The following RGPD4 variants were observed in gnomAD, a reference collection of about 807,000 sequenced individuals.
RGPD4 encodes the protein RANBP2 like and GRIP domain containing 4.
A neutral mutation model predicts 141.1 loss-of-function variants in RGPD4; 84 were observed. The ratio of observed to expected loss-of-function variants is 0.60; its 90% CI spans 0.50 to 0.71. The LOEUF (loss-of-function observed/expected upper bound fraction) is 0.71, where lower values mean the gene tolerates loss of function less well. Ranked by LOEUF, RGPD4 falls within the 30% of genes least tolerant of loss-of-function variation. The pLI, the probability that RGPD4 is intolerant of heterozygous loss-of-function variation, is 0.00. For synonymous variants in RGPD4, 298 were observed against 566.8 expected, an observed-to-expected ratio of 0.53 and a Z score of 6.74; for missense variants, 918 against 1,622.4, an observed-to-expected ratio of 0.57 and a Z score of 7.46.
rs764057370 is a variant in RGPD4, at chr2:107,872,715, G to A, written c.4711G>A (p.Gly1571Arg). ...GNSSATGSLF[G>R]FSFNASLKSN... The stretch of plus-strand genomic sequence containing the variant: ...CAGTTCTGCCACTGGGTCTTTGTTT[G>A]GATTTAGTTTTAATGCATCTTTGAA... Residue 1571 changes from glycine (G) to arginine (R), a missense_variant, in exon 20 of 23, where the codon GGA (glycine) becomes AGA (arginine). Coordinates refer to ENST00000408999, the MANE Select transcript of RGPD4 (RefSeq NM_182588.3). 8.1e-6 allele frequency: 13 copies of A among 1,611,406 alleles called. No individual in the cohort carries two copies. The highest frequency in any genetic ancestry group is 1.0e-5 in the Non-Finnish European group (12 of 1,179,834).
chr2:107,830,055 C>T (rs1558787190), intron 1 of RGPD4, among the ~76,000 whole-genome samples: 3 of 151,990 alleles, frequency 2.0e-5, no homozygotes, highest in Admixed American at 6.5e-5. Flanking sequence ...GGAAAGTCCC[C>T]TTGTTTTGAG....
chr2:107,883,814 A>AT (rs1246689743), intron 22 of RGPD4, among the ~76,000 whole-genome samples: 1 of 151,956 alleles, frequency 6.6e-6, no homozygotes, highest in Non-Finnish European at 1.5e-5. Flanking sequence ...AATTACTTTT[A>AT]TTTTTGACAT....
At chr2:107,857,710 A>G (rs1275955599) in intron 9 of RGPD4, among the ~76,000 whole-genome samples, 3 of 151,820 alleles carry the variant, frequency 2.0e-5, no homozygotes, top group Non-Finnish European at 4.4e-5. Context: ...GTTGGGATTA[A>G]GCCTGACACA....
Position 107,870,807 on chromosome 2 carries a change from A to T in RGPD4, c.2803A>T (p.Lys935Ter), listed in dbSNP as rs1044995849. Residue 935 changes from lysine (K) to a stop codon, truncating the protein, a stop_gained, in exon 20 of 23, where the codon AAG becomes TAG. Transcript: ENST00000408999. LOFTEE classifies it high-confidence loss of function. ...FGISEPGNQE[K>*]ESEKPLENDT... Reference sequence around the variant, plus strand: ...CATTTCGGAACCAGGAAATCAAGAAAAGGAAAGTGAAAAGCCTCTTGAAAA... The same window carrying T: ...CATTTCGGAACCAGGAAATCAAGAATAGGAAAGTGAAAAGCCTCTTGAAAA... 5 of 1,605,930 alleles carry T rather than the reference A, an allele frequency of 3.1e-6. No individual in the cohort carries two copies. In the African/African-American group the frequency reaches 5.4e-5, roughly 17 times the overall value.
At chr2:107,847,015 G>C (rs1681976573) in intron 6 of RGPD4, among the ~76,000 whole-genome samples, 1 of 151,650 alleles carries the variant, frequency 6.6e-6, no homozygotes, top group Non-Finnish European at 1.5e-5. Context: ...GCCAAGGCGG[G>C]TGGATCACGA....
intron 22 of RGPD4, among the ~76,000 whole-genome samples, chr2:107,885,711 A>C (rs1675492057): frequency 1.3e-5 from 2 of 152,276 alleles, no homozygotes; most frequent in East Asian, 1.9e-4. Context: ...AATTAAAAAC[A>C]ATGATGGTTT....
At position 107,890,848 on chromosome 2, in the gene RGPD4, A is replaced by G. The variant is rs927104919; in HGVS notation, c.*117A>G. ...TAAAATCTATTTACAAAAATGGTTC[A>G]TGTGTATTACCATCATTCTTTTGTC... On this transcript the variant is annotated 3_prime_UTR_variant, in exon 23 of 23. Transcript: ENST00000408999. 11 of 1,321,620 alleles carry G rather than the reference A, an allele frequency of 8.3e-6. No individual in the cohort carries two copies. In the African/African-American group the frequency reaches 1.0e-4, roughly 12 times the overall value. The allele number at this position is 1,321,620 out of a possible 1,614,324, so 81.9% of individuals were successfully genotyped here.
chr2:107,846,470 T>C (rs1681950622), intron 6 of RGPD4, among the ~76,000 whole-genome samples: 3 of 151,730 alleles, frequency 2.0e-5, no homozygotes, highest in Admixed American at 2.0e-4. Context: ...TTAATAATTA[T>C]AGCTTTTTTT....
At chr2:107,884,290 C>T (rs201494986) in intron 22 of RGPD4, among the ~76,000 whole-genome samples, 416 of 151,932 alleles carry the variant, frequency 2.7e-3, no homozygotes, top group African/African-American at 7.9e-3. Flanking sequence ...TTAGTAGAGA[C>T]GAGGTTTCAC....
chr2:107,878,629 A>G (rs2104512278), intron 20 of RGPD4, among the ~76,000 whole-genome samples: 1 of 134,888 alleles, frequency 7.4e-6, no homozygotes, highest in East Asian at 2.1e-4. Flanking sequence ...AGGGTTCTCT[A>G]GAGGGACAGA....
At chr2:107,886,002 G>A (rs970697591) in intron 22 of RGPD4, among the ~76,000 whole-genome samples, 26 of 150,662 alleles carry the variant, frequency 1.7e-4, no homozygotes, top group Non-Finnish European at 2.4e-4. Context: ...GCAGTGAGCC[G>A]AGATGGTGCC....
rs1243330826 is a variant in RGPD4 at position 107,872,847 on chromosome 2, G to C, written c.4843G>C (p.Asp1615His). ...SKNSDIEQSS[D>H]SKVKNLSASF... ...GAACTCTGATATCGAACAGTCTTCA[G>C]ATAGCAAAGTCAAAAATCTCTCTGC... Residue 1615 changes from aspartate (D) to histidine (H), a missense_variant, in exon 20 of 23, where the codon GAT (aspartate) becomes CAT (histidine). Coordinates refer to ENST00000408999, the MANE Select transcript of RGPD4 (RefSeq NM_182588.3). The C allele has an allele frequency of 2.5e-6, 4 of 1,603,422 alleles. No individual in the cohort carries two copies. Among genetic ancestry groups the C allele is most frequent in the African/African-American group, 2.8e-5 (2 of 71,838 alleles).
chr2:107,877,840 A>C (rs4012341), intron 20 of RGPD4, among the ~76,000 whole-genome samples: 7 of 151,618 alleles, frequency 4.6e-5, no homozygotes, highest in South Asian at 2.1e-4. Context: ...TTTGAGCTGG[A>C]ATCTCGCTCT....
At chr2:107,846,046 C>T (rs1226524763) in intron 6 of RGPD4, among the ~76,000 whole-genome samples, 2 of 113,410 alleles carry the variant, frequency 1.8e-5, no homozygotes, top group Non-Finnish European at 3.6e-5. Flanking sequence ...CCTGCCTCAG[C>T]CTCCCGAGTA....
At position 107,872,118 on chromosome 2, in the gene RGPD4, G is replaced by T; in HGVS notation, c.4114G>T (p.Gly1372Cys). The change falls in exon 20 of 23, where the codon GGT becomes TGT. Residue 1372 changes from glycine (G) to cysteine (C), a missense_variant. Transcript: ENST00000408999. ...AELYRYDKDV[G>C]QWKERGIGDI... ...ACTCTACAGATATGATAAAGATGTTGGTCAATGGAAAGAAAGGGGCATTGG... is the reference window on the plus strand; with the variant it reads ...ACTCTACAGATATGATAAAGATGTTTGTCAATGGAAAGAAAGGGGCATTGG... 6.2e-7 allele frequency: 1 copy of T among 1,611,332 alleles called. No homozygotes were observed. The highest frequency in any genetic ancestry group is 8.5e-7 in the Non-Finnish European group (1 of 1,179,848).
At chr2:107,867,173 C>T (rs1249394193) in intron 18 of RGPD4, among the ~76,000 whole-genome samples, 2 of 148,498 alleles carry the variant, frequency 1.3e-5, no homozygotes, top group Admixed American at 6.7e-5. Flanking sequence ...CTCCAAAGCA[C>T]TTGCCAGTAT....
chr2:107,846,837 T>C (rs943064697), intron 6 of RGPD4, among the ~76,000 whole-genome samples: 1 of 151,372 alleles, frequency 6.6e-6, no homozygotes, highest in Non-Finnish European at 1.5e-5. Context: ...AGTGTCATTG[T>C]TTTTGCATTT....
Position 107,860,769 on chromosome 2 carries a change from A to T in RGPD4, c.1762A>T (p.Ser588Cys), listed in dbSNP as rs754310675. The T allele has an allele frequency of 6.8e-6, 11 of 1,610,640 alleles. No homozygotes were observed. The South Asian group carries it at 9.9e-5, about 15-fold the overall frequency. ...HWAKCLQKMG[S>C]GLNSFYDQRE... ...TGCTTTTAACTTTCTTTTTTAGGGC[A>T]GTGGTCTTAATTCTTTTTATGATCA... Residue 588 changes from serine to cysteine, a missense_variant, in exon 13 of 23, where the codon AGT (serine) becomes TGT (cysteine). By Grantham distance (112) the Ser-to-Cys change is moderately radical. Transcript: ENST00000408999.
At chr2:107,845,754 C>T (rs572372938) in intron 6 of RGPD4, among the ~76,000 whole-genome samples, 9 of 152,050 alleles carry the variant, frequency 5.9e-5, no homozygotes, top group East Asian at 1.9e-4. Context: ...TTAGTAGAGA[C>T]GGAGTGTCAC....
Sources: gnomAD v4.1 joint callset for allele counts (sites outside exome capture counted in the v4.1 genomes callset) on GRCh38, gnomAD v4.1.1 for gene constraint, MANE v1.5 for transcripts, NCBI Gene and HGNC (gene_info 2026-07-23, HGNC 2026-07-21) for gene names.